Variants in LRRC43 observed in about 807,000 individuals in gnomAD.
LRRC43 encodes the protein leucine-rich repeat-containing protein 43.
In LRRC43, 62 loss-of-function variants were observed where a neutral mutation model predicts 64.3. The ratio of observed to expected loss-of-function variants is 0.96; its 90% confidence interval spans 0.79 to 1.19. LRRC43 has a LOEUF of 1.19. Ranked by LOEUF, LRRC43 falls within the 50% of genes most tolerant of loss-of-function variation. LRRC43 has a pLI of 0.00. For missense variants in LRRC43, 868 were observed against 845.0 expected, an observed-to-expected ratio of 1.03 and a Z score of -0.34; for synonymous variants, 422 against 382.3, an observed-to-expected ratio of 1.10 and a Z score of -1.21.
Position 122,187,757 on chromosome 12 carries a change from A to C in LRRC43, c.579A>C (p.Pro193=), listed in dbSNP as rs1191354004. 1 of 1,613,702 alleles carries C rather than the reference A, an allele frequency of 6.2e-7. No homozygotes were observed. The highest frequency in any genetic ancestry group is 1.3e-5 in the African/African-American group (1 of 74,836). The part of the protein sequence containing the change: ...ISSMECLCAH[P]PAGLQHLGLG... ...GCATGGAGTGTCTGTGTGCCCACCC[A>C]CCCGCCGGCCTGCAGCACTTGGGGT... The change falls in exon 4 of 12, where the codon CCA becomes CCC. Residue 193 remains proline, a synonymous_variant. Transcript: ENST00000339777.
chr12:122,189,338 C>T (rs1001047474), intron 4 of LRRC43: 6 of 442,790 alleles, frequency 1.4e-5, no homozygotes, highest in Middle Eastern at 6.1e-4. Flanking sequence ...CTGGAGCGGG[C>T]GGACGCAGCA....
chr12:122,180,340 G>T (rs757178740), upstream of LRRC43, among the ~76,000 whole-genome samples: 2 of 152,060 alleles, frequency 1.3e-5, no homozygotes, highest in African/African-American at 2.4e-5. Context: ...CCAGCATGGA[G>T]AAACCCTGTC....
chr12:122,195,926 A>G (rs1160776144), intron 7 of LRRC43, among the ~76,000 whole-genome samples: 1 of 152,196 alleles, frequency 6.6e-6, no homozygotes, highest in African/African-American at 2.4e-5. Context: ...AGTGTTTACC[A>G]GGGGCCCACC....
In LRRC43 at chr12:122,193,401, A is replaced by AAAAG. The variant is rs1953743715; in HGVS notation, c.1349+400_1349+401insGAAA. Reference sequence around the variant, plus strand: ...TCTCATAAAAAAAAAAAAAAAAAAAAAAAAAAAAGGCCCACTAGACTGTTA... The same window carrying AAAAG: ...TCTCATAAAAAAAAAAAAAAAAAAAAAAAGAAAAAAAAGGCCCACTAGACTGTTA... On this transcript the variant is annotated intron_variant, in intron 7 of 11. Transcript: ENST00000339777. 4.0e-5 allele frequency among the ~76,000 whole-genome samples: 6 copies of AAAAG among 150,510 alleles called. No individual in the cohort carries two copies. The South Asian group carries it at 1.0e-3, about 26-fold the overall frequency.
At position 122,191,087 on chromosome 12, in the gene LRRC43, G is replaced by A. The variant is rs557786529; in HGVS notation, c.902-293G>A. ...TGTGGTTCATGCCGCAAGGTGCACC[G>A]GAGGCTTCTCCAGGTCACTGTGACG... On this transcript the variant is annotated intron_variant, in intron 5 of 11. Transcript: ENST00000339777. Among the ~76,000 whole-genome samples the A allele has an allele frequency of 2.4e-3, 358 of 152,316 alleles. 1 individual carries two copies. The highest frequency in any genetic ancestry group is 4.2e-3 in the Admixed American group (64 of 15,298).
intron 11 of LRRC43, among the ~76,000 whole-genome samples, chr12:122,201,756 A>ATC (rs761781033): frequency 4.7e-4 from 72 of 152,296 alleles, no homozygotes; most frequent in South Asian, 8.3e-4. Flanking sequence ...GAGGGAGAGA[A>ATC]AGGAGACAGG....
intron 7 of LRRC43, among the ~76,000 whole-genome samples, chr12:122,197,791 G>A (rs946791106): frequency 1.3e-5 from 2 of 152,014 alleles, no homozygotes; most frequent in Non-Finnish European, 2.9e-5. Context: ...CTGCAGTGGA[G>A]AAGATGACAG....
intron 1 of LRRC43, chr12:122,174,030 C>A: frequency 6.2e-7 from 1 of 1,613,236 alleles, no homozygotes; most frequent in Non-Finnish European, 8.5e-7. Flanking sequence ...ATACATCACA[C>A]ACCCCTGCCC....
In LRRC43 at chr12:122,184,505, C is replaced by G. The variant is rs1233216297; in HGVS notation, c.151-14C>G. 2 of 1,611,290 alleles carry G rather than the reference C, an allele frequency of 1.2e-6. No homozygotes were observed. Among genetic ancestry groups the G allele is most frequent in the Admixed American group, 1.7e-5 (1 of 59,602 alleles). ...GTGTCACACCTACAGAAAATCCCTC[C>G]TCTGCCACTGCAGAATAAGTCGCGC... On this transcript the variant is annotated splice_polypyrimidine_tract_variant and intron_variant, in intron 1 of 11. Coordinates refer to ENST00000339777, the MANE Select transcript of LRRC43 (RefSeq NM_001098519.2). The surrounding 1 kb of genome is among the most constrained non-coding windows in gnomAD (Gnocchi z 4.0).
chr12:122,190,450 T>G (rs1174456269), intron 5 of LRRC43, 82 bp downstream of exon 5: 12 of 1,095,480 alleles, frequency 1.1e-5, no homozygotes, highest in African/African-American at 1.5e-5. Context: ...CCTGGGTCCG[T>G]GTACCCGTCT....
chr12:122,198,654 G>A (rs1339574221), intron 7 of LRRC43, among the ~76,000 whole-genome samples: 1 of 136,170 alleles, frequency 7.3e-6, no homozygotes, highest in African/African-American at 3.1e-5. Context: ...TTTGAGATGG[G>A]GTTTCATTCT....
At chr12:122,193,091 C>G in intron 7 of LRRC43, 87 bp downstream of exon 7, 1 of 1,456,950 alleles carries the variant, frequency 6.9e-7, no homozygotes, top group Non-Finnish European at 9.3e-7. Flanking sequence ...ATTAAAAGTC[C>G]TGAGGCTGGC....
intron 4 of LRRC43, chr12:122,188,043 G>A (rs1318072663): frequency 5.0e-5 from 27 of 540,582 alleles, no homozygotes; most frequent in Non-Finnish European, 4.2e-5. Flanking sequence ...GAGAACAAGA[G>A]GTAGTAGGTG....
At chr12:122,190,402 T>C (rs1191945924) in intron 5 of LRRC43, 34 bp downstream of exon 5, 2 of 1,537,814 alleles carry the variant, frequency 1.3e-6, no homozygotes, top group Non-Finnish European at 1.8e-6. Context: ...GGGGGTGGCA[T>C]GTGACACCCC....
At chr12:122,183,708 G>C (rs1016101273) in intron 1 of LRRC43, among the ~76,000 whole-genome samples, 1 of 152,214 alleles carries the variant, frequency 6.6e-6, no homozygotes, top group African/African-American at 2.4e-5. Flanking sequence ...TCCAGGAGAA[G>C]GGGTTACCCC....
In LRRC43 at chr12:122,190,366, G is replaced by A; in HGVS notation, c.899G>A (p.Gly300Asp). 2 of 1,611,712 alleles carry A rather than the reference G, an allele frequency of 1.2e-6. No individual in the cohort carries two copies. Among genetic ancestry groups the A allele is most frequent in the Non-Finnish European group, 1.7e-6 (2 of 1,178,058 alleles). Reference protein sequence around the residue: ...KHLFRGLSLNGDLLAQEAQFV... With the variant: ...KHLFRGLSLNDDLLAQEAQFV... The stretch of plus-strand genomic sequence containing the variant: ...CTCTTCCGGGGGCTCAGCCTCAATG[G>A]CGGTGAGGGTACTGGCATGCAGGGA... Residue 300 changes from glycine (G) to aspartate (D), a missense_variant and splice_region_variant, in exon 5 of 12, where the codon GGC becomes GAC. Transcript: ENST00000339777.
intron 1 of LRRC43, among the ~76,000 whole-genome samples, chr12:122,176,075 G>T (rs773815747): frequency 1.8e-4 from 27 of 152,300 alleles, no homozygotes; most frequent in South Asian, 1.7e-3. Context: ...CATTGCTGTG[G>T]GCTGCGGACA....
At chr12:122,189,342 C>T (rs1486084780) in intron 4 of LRRC43, 9 of 446,004 alleles carry the variant, frequency 2.0e-5, no homozygotes, top group African/African-American at 8.0e-5. Context: ...AGCGGGCGGA[C>T]GCAGCAGGGA....
intron 7 of LRRC43, among the ~76,000 whole-genome samples, chr12:122,198,977 T>C (rs2136060265): frequency 7.0e-6 from 1 of 142,384 alleles, no homozygotes; most frequent in East Asian, 2.4e-4. Flanking sequence ...ATATGTACTT[T>C]CACGATTTTT....
Sources: gnomAD v4.1 joint callset for allele counts (sites outside exome capture counted in the v4.1 genomes callset) on GRCh38, gnomAD v4.1.1 for gene constraint, Gnocchi (gnomAD v3.1) non-coding constraint, MANE v1.5 for transcripts, NCBI Gene and HGNC (gene_info 2026-07-23, HGNC 2026-07-21) for gene names.